The following CSMD1 variants were observed in gnomAD, a reference collection of about 807,000 sequenced individuals.
CSMD1 encodes CUB and sushi domain-containing protein 1.
CSMD1 carries 213 observed loss-of-function variants against 417.5 expected under a neutral mutation model. That is an observed-to-expected ratio of 0.51 (90% CI 0.46 to 0.57). The LOEUF (loss-of-function observed/expected upper bound fraction) is 0.57, where lower values mean the gene tolerates loss of function less well. CSMD1 is among the 20% of genes least tolerant of loss of function. CSMD1 has a pLI of 0.00. For synonymous variants in CSMD1, 2,862 were observed against 1,736.8 expected (o/e 1.65, Z -16.11); for missense variants, 6,923 against 4,529.7 (o/e 1.53, Z -15.17).
At chr8:4,523,717 C>T (rs1302491061) in intron 2 of CSMD1, among the ~76,000 whole-genome samples, 1 of 152,298 alleles carries the variant, frequency 6.6e-6, no homozygotes, top group South Asian at 2.1e-4. Flanking sequence ...CTCCTGTTCA[C>T]ACCTCATGGA....
chr8:4,720,811 A>G (rs1056822492), intron 1 of CSMD1, among the ~76,000 whole-genome samples: 1 of 152,152 alleles, frequency 6.6e-6, no homozygotes, highest in Non-Finnish European at 1.5e-5. Flanking sequence ...CTAAAGATCA[A>G]CAACGGCCAT....
intron 1 of CSMD1, among the ~76,000 whole-genome samples, chr8:4,975,003 G>GT (rs1181845440): frequency 3.3e-5 from 5 of 152,114 alleles, no homozygotes; most frequent in South Asian, 2.1e-4. Flanking sequence ...GAAAATGGAT[G>GT]TTTTTTTCTA....
intron 7 of CSMD1, among the ~76,000 whole-genome samples, chr8:3,659,719 A>T (rs1286220496): frequency 1.3e-5 from 2 of 152,070 alleles, no homozygotes; most frequent in Admixed American, 6.6e-5. Flanking sequence ...TCAGTTCTAC[A>T]CTCCATAATA....
rs575687673 is a variant in CSMD1, at chr8:4,819,976, T to G, written c.85+174356A>C. ...ATCAATCAACTAATTGGTTTTATTG[T>G]AATTGGTAAACCTATGTAATTGTTC... On this transcript the variant is annotated intron_variant, in intron 1 of 69. Transcript: ENST00000635120. Among the ~76,000 whole-genome samples the G allele has an allele frequency of 7.2e-5, 11 of 152,356 alleles. No individual in the cohort carries two copies. In the South Asian group the frequency reaches 2.3e-3, roughly 32 times the overall value.
At chr8:4,866,002 T>A (rs994179852) in intron 1 of CSMD1, among the ~76,000 whole-genome samples, 1 of 151,912 alleles carries the variant, frequency 6.6e-6, no homozygotes, top group African/African-American at 2.4e-5. Context: ...AATAGCAACA[T>A]CTAAATTTAA....
intron 48 of CSMD1, among the ~76,000 whole-genome samples, chr8:3,088,631 C>T (rs1181965412): frequency 6.6e-6 from 1 of 151,502 alleles, no homozygotes. Context: ...GTACCATTTC[C>T]TTTTTTTTAA....
At chr8:3,408,747 A>C (rs577094849) in intron 13 of CSMD1, among the ~76,000 whole-genome samples, 1 of 152,088 alleles carries the variant, frequency 6.6e-6, no homozygotes, top group Non-Finnish European at 1.5e-5. Flanking sequence ...TGGATAATAT[A>C]AAGTATTTTG....
chr8:4,454,965 G>A (rs1232296761), intron 2 of CSMD1, among the ~76,000 whole-genome samples: 2 of 152,074 alleles, frequency 1.3e-5, no homozygotes, highest in Admixed American at 1.3e-4. Flanking sequence ...GTTTCTTCAT[G>A]GACCTGGGAT....
intron 5 of CSMD1, among the ~76,000 whole-genome samples, chr8:3,814,536 A>T (rs1258713328): frequency 6.6e-6 from 1 of 152,130 alleles, no homozygotes; most frequent in Non-Finnish European, 1.5e-5. Context: ...CTACCTGGAG[A>T]CGCCTGTGGT....
chr8:4,314,228 T>C (rs1387441923), intron 3 of CSMD1, among the ~76,000 whole-genome samples: 2 of 151,818 alleles, frequency 1.3e-5, no homozygotes, highest in African/African-American at 2.4e-5. Context: ...AATAGTTAAG[T>C]CACAACACAA....
intron 6 of CSMD1, among the ~76,000 whole-genome samples, chr8:3,733,984 A>T (rs894176628): frequency 2.0e-5 from 3 of 151,816 alleles, no homozygotes; most frequent in African/African-American, 7.3e-5. Context: ...TAAGGGGGGG[A>T]TGTCTGTACG....
intron 3 of CSMD1, among the ~76,000 whole-genome samples, chr8:4,408,702 T>G (rs1196298037): frequency 3.3e-5 from 5 of 152,196 alleles, no homozygotes; most frequent in Admixed American, 3.3e-4. Context: ...AGCCCATAGT[T>G]GACCAGCTCT....
chr8:4,321,869 A>G (rs771058957), intron 3 of CSMD1, among the ~76,000 whole-genome samples: 4 of 152,180 alleles, frequency 2.6e-5, no homozygotes, highest in Non-Finnish European at 4.4e-5. Context: ...GAAGAAATGA[A>G]TAAATAATAT....
At chr8:4,240,231 T>G (rs1278948362) in intron 3 of CSMD1, among the ~76,000 whole-genome samples, 2 of 152,252 alleles carry the variant, frequency 1.3e-5, no homozygotes, top group Admixed American at 1.3e-4. Flanking sequence ...GCGTAGCTTG[T>G]GCTAACCTGT....
chr8:4,103,096 T>C (rs564288680), intron 3 of CSMD1, among the ~76,000 whole-genome samples: 51 of 152,182 alleles, frequency 3.4e-4, no homozygotes, highest in Non-Finnish European at 6.5e-4. Flanking sequence ...CAGACAGTTC[T>C]ATAAAGTGGA....
chr8:4,172,770 C>A (rs1288485495), intron 3 of CSMD1, among the ~76,000 whole-genome samples: 2 of 152,134 alleles, frequency 1.3e-5, no homozygotes, highest in African/African-American at 4.8e-5. Flanking sequence ...TTTCTTGGAT[C>A]CCTTACCCAC....
At chr8:4,181,213 G>C (rs777019097) in intron 3 of CSMD1, among the ~76,000 whole-genome samples, 65 of 152,172 alleles carry the variant, frequency 4.3e-4, no homozygotes, top group Non-Finnish European at 7.8e-4. Flanking sequence ...TAGCACCGAT[G>C]ATTTAAATTT....
intron 3 of CSMD1, among the ~76,000 whole-genome samples, chr8:4,163,216 C>T (rs922752619): frequency 3.9e-5 from 6 of 152,136 alleles, no homozygotes; most frequent in Non-Finnish European, 8.8e-5. Flanking sequence ...TTTTTCAGTA[C>T]ACGTAAGTTT....
At chr8:4,491,015 A>G (rs1490685442) in intron 2 of CSMD1, among the ~76,000 whole-genome samples, 2 of 152,158 alleles carry the variant, frequency 1.3e-5, no homozygotes, top group Admixed American at 1.3e-4. Flanking sequence ...GAGGCTAGGG[A>G]CATGTAGGCA....
Sources: allele counts gnomAD v4.1 joint callset (sites outside exome capture counted in the v4.1 genomes callset), GRCh38; gene constraint gnomAD v4.1.1; transcripts MANE v1.5; gene names NCBI Gene and HGNC (gene_info 2026-07-23, HGNC 2026-07-21).